The following PTPRD variants were observed in gnomAD, a reference collection of about 807,000 sequenced individuals.
The protein encoded by PTPRD is protein tyrosine phosphatase receptor type D.
PTPRD carries 34 observed loss-of-function variants against 214.5 expected under a neutral mutation model. That is an observed-to-expected ratio of 0.16 (90% CI 0.12 to 0.21). PTPRD has a LOEUF of 0.21. Among genes scored for constraint, PTPRD ranks in the 10% least tolerant of loss-of-function variants. The probability of loss-of-function intolerance (pLI) is 1.00; values close to 1 mark genes in which losing one functional copy is unlikely to be tolerated. For missense variants in PTPRD, 2,545 were observed against 2,398.7 expected, an observed-to-expected ratio of 1.06 and a Z score of -1.27; for synonymous variants, 1,128 against 845.7, an observed-to-expected ratio of 1.33 and a Z score of -5.79.
intron 14 of PTPRD, among the ~76,000 whole-genome samples, chr9:8,543,141 T>C (rs2078926000): frequency 6.6e-6 from 1 of 152,184 alleles, no homozygotes; most frequent in Non-Finnish European, 1.5e-5. Context: ...AAGTTTCCAA[T>C]GATAAGATGA....
In PTPRD at chr9:9,951,857, G is replaced by C. The variant is rs116351183; in HGVS notation, c.-471-13247C>G. On this transcript the variant is annotated intron_variant, in intron 4 of 45. Coordinates refer to ENST00000381196, the MANE Select transcript of PTPRD (RefSeq NM_002839.4). Reference sequence around the variant, plus strand: ...TTCAGTTTATGGGACTAAGGTGGCGGAGCAATGTAAAGACTAATATGAAGA... The same window carrying C: ...TTCAGTTTATGGGACTAAGGTGGCGCAGCAATGTAAAGACTAATATGAAGA... 8.1e-3 allele frequency among the ~76,000 whole-genome samples: 1,227 copies of C among 152,300 alleles called. 15 individuals are homozygous for C. The highest frequency in any genetic ancestry group is 0.028 in the African/African-American group (1,167 of 41,564).
chr9:9,930,486 T>G (rs1293809265), intron 5 of PTPRD, among the ~76,000 whole-genome samples: 2 of 152,174 alleles, frequency 1.3e-5, no homozygotes, highest in African/African-American at 4.8e-5. Flanking sequence ...TTTTCAAATG[T>G]AAACAAATGT....
Position 9,825,345 on chromosome 9 carries a change from A to T in PTPRD, c.-367-58494T>A, listed in dbSNP as rs111870862. ...GAAAGAGAGAGAGAAAGAGACAAAG[A>T]AAGAGACAAAGAGACACAGAGAGAG... On this transcript the variant is annotated intron_variant, in intron 5 of 45. Transcript: ENST00000381196. Among the ~76,000 whole-genome samples, 198 of 151,832 alleles carry T rather than the reference A, an allele frequency of 1.3e-3. 1 individual carries two copies. The highest frequency in any genetic ancestry group is 4.5e-3 in the African/African-American group (187 of 41,482).
At chr9:10,309,952 C>T (rs1458123340) in intron 3 of PTPRD, among the ~76,000 whole-genome samples, 1 of 151,990 alleles carries the variant, frequency 6.6e-6, no homozygotes, top group Non-Finnish European at 1.5e-5. Flanking sequence ...AAATGTGCAG[C>T]ATGTCATAAA....
At chr9:9,082,547 G>C (rs976896213) in intron 10 of PTPRD, among the ~76,000 whole-genome samples, 5 of 152,140 alleles carry the variant, frequency 3.3e-5, no homozygotes, top group African/African-American at 1.2e-4. Flanking sequence ...GGAAGTTCCG[G>C]CCAGGGAAAT....
intron 8 of PTPRD, among the ~76,000 whole-genome samples, chr9:9,537,106 A>G (rs1336166725): frequency 6.6e-6 from 1 of 151,928 alleles, no homozygotes; most frequent in Non-Finnish European, 1.5e-5. Flanking sequence ...AAGGCAGTAA[A>G]GGGGACATGA....
At position 9,643,473 on chromosome 9, in the gene PTPRD, T is replaced by A. The variant is rs183423973; in HGVS notation, c.-286-68692A>T. ...TGTTATGGTGGAGATGATTCTAGAA[T>A]GAGCAGAGTGAATCCAAGAAAGTAT... On this transcript the variant is annotated intron_variant, in intron 7 of 45. Coordinates refer to ENST00000381196, the MANE Select transcript of PTPRD (RefSeq NM_002839.4). Among the ~76,000 whole-genome samples, 7 of 152,262 alleles carry A rather than the reference T, an allele frequency of 4.6e-5. No homozygotes were observed. In the South Asian group the frequency reaches 8.3e-4, roughly 18 times the overall value.
intron 10 of PTPRD, among the ~76,000 whole-genome samples, chr9:9,128,320 C>A (rs1244390776): frequency 2.0e-5 from 3 of 152,114 alleles, no homozygotes; most frequent in African/African-American, 7.2e-5. Flanking sequence ...CATACATTTG[C>A]GCACAGAAAC....
intron 4 of PTPRD, among the ~76,000 whole-genome samples, chr9:9,957,266 C>T (rs1219974902): frequency 6.6e-6 from 1 of 151,944 alleles, no homozygotes; most frequent in East Asian, 1.9e-4. Flanking sequence ...CTCATAAATC[C>T]AAATCATATG....
chr9:8,688,137 T>C (rs545285401), intron 12 of PTPRD, among the ~76,000 whole-genome samples: 1 of 152,366 alleles, frequency 6.6e-6, no homozygotes, highest in South Asian at 2.1e-4. Context: ...CAATGCTGAA[T>C]AAATGTATCG....
At chr9:9,775,974 A>AAAAAAAAAC in intron 5 of PTPRD, among the ~76,000 whole-genome samples, 1 of 151,104 alleles carries the variant, frequency 6.6e-6, no homozygotes, top group Non-Finnish European at 1.5e-5. Context: ...AAAAAAAAAA[A>AAAAAAAAAC]AAAAAGCAAA....
rs562188816 is a variant in PTPRD, at chr9:8,702,653, G to A, written c.64+31127C>T. On this transcript the variant is annotated intron_variant, in intron 12 of 45. Coordinates refer to ENST00000381196, the MANE Select transcript of PTPRD (RefSeq NM_002839.4). ...CTTTTAGACAGAGTCTTGCTATGTC[G>A]CCCCAGCTGGAGTGCAGTGGCACGA... 1.2e-4 allele frequency among the ~76,000 whole-genome samples: 19 copies of A among 152,246 alleles called. No individual in the cohort carries two copies. The South Asian group carries it at 2.3e-3, about 18-fold the overall frequency.
chr9:8,505,187 A>G lies in PTPRD; in HGVS notation c.1678-782T>C, dbSNP rs186784573. Among the ~76,000 whole-genome samples, 9 of 152,314 alleles carry G rather than the reference A, an allele frequency of 5.9e-5. No homozygotes were observed. The East Asian group carries it at 7.7e-4, about 13-fold the overall frequency. On this transcript the variant is annotated intron_variant, in intron 22 of 45. Transcript: ENST00000381196. ...TTAAAATTTGTCATTTAGCAAAAAT[A>G]TAAGTGTCTATGGGTAATCAATCTT...
At chr9:10,472,884 A>C (rs2131781113) in intron 2 of PTPRD, among the ~76,000 whole-genome samples, 1 of 152,154 alleles carries the variant, frequency 6.6e-6, no homozygotes, top group South Asian at 2.1e-4. Flanking sequence ...AAGGAGAAAA[A>C]TTTTAAAAAA....
At chr9:8,786,883 G>T (rs2096004375) in intron 11 of PTPRD, among the ~76,000 whole-genome samples, 1 of 152,062 alleles carries the variant, frequency 6.6e-6, no homozygotes, top group African/African-American at 2.4e-5. Flanking sequence ...GTCTGCTGAG[G>T]AAATATAAAG....
chr9:8,812,440 G>A (rs1244428314), intron 11 of PTPRD, among the ~76,000 whole-genome samples: 2 of 152,104 alleles, frequency 1.3e-5, no homozygotes, highest in African/African-American at 4.8e-5. Flanking sequence ...CCCCTGCTTT[G>A]GTAAACTTAT....
At position 9,909,598 on chromosome 9, in the gene PTPRD, G is replaced by T. The variant is rs771866674; in HGVS notation, c.-368+28909C>A. Among the ~76,000 whole-genome samples the T allele has an allele frequency of 2.6e-5, 4 of 151,610 alleles. No homozygotes were observed. In the South Asian group the frequency reaches 8.3e-4, roughly 32 times the overall value. ...TCACTGTAAAATGTATAAAATATGGGGCAGTTTAATTGGTGTAAATATGTC... is the reference window on the plus strand; with the variant it reads ...TCACTGTAAAATGTATAAAATATGGTGCAGTTTAATTGGTGTAAATATGTC... On this transcript the variant is annotated intron_variant, in intron 5 of 45. Coordinates refer to ENST00000381196, the MANE Select transcript of PTPRD (RefSeq NM_002839.4).
intron 2 of PTPRD, among the ~76,000 whole-genome samples, chr9:10,432,207 A>G (rs2154520964): frequency 6.8e-6 from 1 of 146,076 alleles, no homozygotes; most frequent in South Asian, 2.2e-4. Context: ...AACACCGCAT[A>G]TTCTCACTCA....
intron 9 of PTPRD, among the ~76,000 whole-genome samples, chr9:9,239,462 A>G (rs977730217): frequency 2.0e-5 from 3 of 152,164 alleles, no homozygotes; most frequent in Admixed American, 1.3e-4. Context: ...ACCTAAGAGC[A>G]GAACCAATTA....
Sources: allele counts gnomAD v4.1 joint callset (sites outside exome capture counted in the v4.1 genomes callset), GRCh38; gene constraint gnomAD v4.1.1; transcripts MANE v1.5; gene names NCBI Gene and HGNC (gene_info 2026-07-23, HGNC 2026-07-21).